GPHN: variants seen among roughly 807,000 people sequenced by gnomAD.
GPHN encodes gephyrin.
Under a neutral mutation model 95.5 loss-of-function variants are expected in GPHN, and 17 were observed. The ratio of observed to expected loss-of-function variants is 0.18; its 90% CI spans 0.12 to 0.27. GPHN has a LOEUF of 0.27. GPHN is among the 10% of genes least tolerant of loss of function. The pLI, the probability that GPHN is intolerant of heterozygous loss-of-function variation, is 1.00. For missense variants in GPHN, 660 were observed against 978.1 expected, an observed-to-expected ratio of 0.67 and a Z score of 4.34; for synonymous variants, 320 against 322.5, an observed-to-expected ratio of 0.99 and a Z score of 0.08.
At chr14:67,511,098 C>T in the GPHN span, among the ~76,000 whole-genome samples, 7 of 152,242 alleles carry the variant, frequency 4.6e-5, no homozygotes, top group East Asian at 3.9e-4. Flanking sequence ...CCAATGGAAA[C>T]GGATCATTCC....
downstream of GPHN, among the ~76,000 whole-genome samples, chr14:67,183,355 C>T (rs1174174172): frequency 6.6e-6 from 1 of 152,060 alleles, no homozygotes; most frequent in Non-Finnish European, 1.5e-5. Context: ...TTATGTAGAA[C>T]TTACTGTAGG....
intron 8 of GPHN, among the ~76,000 whole-genome samples, chr14:66,941,141 T>G (rs946803198): frequency 6.6e-6 from 1 of 152,014 alleles, no homozygotes; most frequent in African/African-American, 2.4e-5. Flanking sequence ...TGCTGGAACA[T>G]GCAGGGTTAG....
At chr14:67,115,889 G>C (rs2078660207) in intron 16 of GPHN, among the ~76,000 whole-genome samples, 1 of 152,182 alleles carries the variant, frequency 6.6e-6, no homozygotes, top group Non-Finnish European at 1.5e-5. Flanking sequence ...TTTTATTACT[G>C]TATGAGCTTG....
At chr14:67,593,973 A>T in the GPHN span, 2 of 1,542,984 alleles carry the variant, frequency 1.3e-6, no homozygotes, top group South Asian at 2.3e-5. Context: ...AGCCAGACAC[A>T]GACAGTAAGA....
chr14:67,367,498 G>A, the GPHN span, among the ~76,000 whole-genome samples: 1 of 152,190 alleles, frequency 6.6e-6, no homozygotes, highest in African/African-American at 2.4e-5. Context: ...CAAAGTGCTG[G>A]GATTACAGGC....
chr14:67,616,048 A>T, the GPHN span: 3 of 306,580 alleles, frequency 9.8e-6, no homozygotes, highest in Non-Finnish European at 1.9e-5. Context: ...GAGGAAGAAG[A>T]GGGAGAGAAT....
chr14:67,661,276 A>AG, the GPHN span, among the ~76,000 whole-genome samples: 1 of 92,370 alleles, frequency 1.1e-5, no homozygotes, highest in Admixed American at 1.2e-4. Flanking sequence ...ATAGGGCTAG[A>AG]GCAAAAAAAA....
At chr14:66,984,787 G>C (rs1363227083) in intron 9 of GPHN, among the ~76,000 whole-genome samples, 1 of 151,716 alleles carries the variant, frequency 6.6e-6, no homozygotes, top group African/African-American at 2.4e-5. Context: ...CCTCATTCTG[G>C]AATCCATAGT....
intron 1 of GPHN, among the ~76,000 whole-genome samples, chr14:66,615,938 G>A (rs2062999619): frequency 6.6e-6 from 1 of 151,886 alleles, no homozygotes; most frequent in African/African-American, 2.4e-5. Flanking sequence ...TTCTGCATAT[G>A]GCTAGCCTTT....
At chr14:66,867,741 T>C (rs2063282532) in intron 4 of GPHN, among the ~76,000 whole-genome samples, 1 of 152,228 alleles carries the variant, frequency 6.6e-6, no homozygotes, top group South Asian at 2.1e-4. Flanking sequence ...ATCTATATTC[T>C]GTTCTGATGA....
chr14:66,576,222 G>A (rs139097832), intron 1 of GPHN, among the ~76,000 whole-genome samples: 294 of 152,288 alleles, frequency 1.9e-3, no homozygotes, highest in African/African-American at 6.5e-3. Flanking sequence ...CTGCATCTGT[G>A]CTGGCTAGCT....
At chr14:67,488,260 C>T in the GPHN span, among the ~76,000 whole-genome samples, 3 of 152,264 alleles carry the variant, frequency 2.0e-5, no homozygotes, top group African/African-American at 7.2e-5. Context: ...TGAGTAGAGG[C>T]CGCTTGGGCC....
chr14:66,770,943 G>A (rs1031584885), intron 2 of GPHN, among the ~76,000 whole-genome samples: 2 of 152,106 alleles, frequency 1.3e-5, no homozygotes, highest in African/African-American at 2.4e-5. Flanking sequence ...CAGGCATCCA[G>A]TATAGATCTT....
the GPHN span, among the ~76,000 whole-genome samples, chr14:67,634,562 C>G: frequency 2.0e-5 from 3 of 150,666 alleles, no homozygotes; most frequent in Non-Finnish European, 3.0e-5. Context: ...CCACTGCACT[C>G]CATCTTGGGC....
At chr14:67,579,713 C>T in the GPHN span, 15 of 1,611,254 alleles carry the variant, frequency 9.3e-6, no homozygotes, top group Admixed American at 3.3e-5. Context: ...ACTCTTCTCC[C>T]GCCTCAGGTG....
At chr14:66,562,572 G>A (rs574253451) in intron 1 of GPHN, among the ~76,000 whole-genome samples, 397 of 152,216 alleles carry the variant, frequency 2.6e-3, no homozygotes, top group African/African-American at 8.9e-3. Flanking sequence ...AACTCAAAGC[G>A]TTTGTTGGAA....
At chr14:67,689,527 G>A in the GPHN span, among the ~76,000 whole-genome samples, 1 of 152,046 alleles carries the variant, frequency 6.6e-6, no homozygotes, top group Admixed American at 6.6e-5. Flanking sequence ...TGCCAGTTCA[G>A]GTCCTTCCCT....
At chr14:66,534,748 G>A (rs1182360395) in intron 1 of GPHN, among the ~76,000 whole-genome samples, 3 of 152,090 alleles carry the variant, frequency 2.0e-5, no homozygotes, top group Non-Finnish European at 4.4e-5. Context: ...TCTGGTCAGT[G>A]TGCACTGGCT....
chr14:67,133,819 C>G (rs1322328086), intron 17 of GPHN, among the ~76,000 whole-genome samples: 1 of 152,176 alleles, frequency 6.6e-6, no homozygotes, highest in Non-Finnish European at 1.5e-5. Flanking sequence ...ATGTGATCAA[C>G]TTAGAACTCT....
Sources: allele counts gnomAD v4.1 joint callset (sites outside exome capture counted in the v4.1 genomes callset), GRCh38; gene constraint gnomAD v4.1.1; transcripts MANE v1.5; gene names NCBI Gene and HGNC (gene_info 2026-07-23, HGNC 2026-07-21).